EXOC6B: variants seen among roughly 807,000 people sequenced by gnomAD.
EXOC6B encodes the protein SEC15 homolog B.
EXOC6B carries 54 observed loss-of-function variants against 113.5 expected under a neutral mutation model. The observed-to-expected ratio is 0.48, with a 90% CI of 0.38 to 0.60. The LOEUF (loss-of-function observed/expected upper bound fraction) is 0.60, where lower values mean the gene tolerates loss of function less well. Ranked by LOEUF, EXOC6B falls within the 20% of genes least tolerant of loss-of-function variation. The pLI, the probability that EXOC6B is intolerant of heterozygous loss-of-function variation, is 0.00. For missense variants in EXOC6B, 797 were observed against 977.5 expected (o/e 0.82, Z 2.46); for synonymous variants, 357 against 339.0 (o/e 1.05, Z -0.58).
chr2:72,399,349 T>A (rs1294154922), intron 18 of EXOC6B, among the ~76,000 whole-genome samples: 1 of 151,998 alleles, frequency 6.6e-6, no homozygotes, highest in African/African-American at 2.4e-5. Context: ...ACTGACACAA[T>A]ATAAGGATGC....
chr2:72,810,700 G>C (rs556699455), intron 1 of EXOC6B, among the ~76,000 whole-genome samples: 1 of 152,032 alleles, frequency 6.6e-6, no homozygotes, highest in Non-Finnish European at 1.5e-5. Context: ...CAAATATGTA[G>C]CAAATCAAAA....
intron 1 of EXOC6B, among the ~76,000 whole-genome samples, chr2:72,812,112 T>A (rs1362960379): frequency 6.6e-6 from 1 of 152,160 alleles, no homozygotes; most frequent in East Asian, 1.9e-4. Flanking sequence ...CAGATAACAC[T>A]ATTGTTTACA....
At chr2:72,312,777 C>T (rs1247829262) in intron 20 of EXOC6B, among the ~76,000 whole-genome samples, 2 of 126,518 alleles carry the variant, frequency 1.6e-5, no homozygotes, top group Admixed American at 1.6e-4. Flanking sequence ...ACAACAACAA[C>T]AACAACAAAC....
chr2:72,558,701 G>A (rs574083168), intron 8 of EXOC6B, among the ~76,000 whole-genome samples: 5 of 152,076 alleles, frequency 3.3e-5, no homozygotes, highest in East Asian at 1.9e-4. Flanking sequence ...CCCGGGAGGC[G>A]GAGGTTGTGG....
At chr2:72,497,495 C>T (rs558972838) in intron 13 of EXOC6B, among the ~76,000 whole-genome samples, 17 of 152,080 alleles carry the variant, frequency 1.1e-4, no homozygotes, top group Admixed American at 3.3e-4. Flanking sequence ...TCACTGAAGG[C>T]GTCAGATCAG....
At chr2:72,181,850 A>G (rs1030718467) in intron 21 of EXOC6B, among the ~76,000 whole-genome samples, 4 of 152,176 alleles carry the variant, frequency 2.6e-5, no homozygotes, top group African/African-American at 9.6e-5. Context: ...CAAAAACAAA[A>G]GTCAGCCCTC....
chr2:72,305,019 AG>A (rs1446244951), intron 20 of EXOC6B, among the ~76,000 whole-genome samples: 3 of 152,196 alleles, frequency 2.0e-5, no homozygotes, highest in African/African-American at 7.2e-5. Context: ...AGTTCCTGAG[AG>A]GTACACTAAA....
rs532313669 is a variant in EXOC6B, at chr2:72,640,185, T to C, written c.670-64517A>G. On this transcript the variant is annotated intron_variant, in intron 6 of 21. Coordinates refer to ENST00000272427, the MANE Select transcript of EXOC6B (RefSeq NM_015189.3). The stretch of plus-strand genomic sequence containing the variant: ...ATAGAAAAGATGGTAACTGAACTCA[T>C]AGAGCTGAAAAACACACTATAAGAA... Among the ~76,000 whole-genome samples, 77 of 152,242 alleles carry C rather than the reference T, an allele frequency of 5.1e-4. 2 individuals are homozygous for C. In the South Asian group the frequency reaches 9.1e-3, roughly 18 times the overall value.
At chr2:72,400,022 A>G (rs2105153192) in intron 18 of EXOC6B, among the ~76,000 whole-genome samples, 1 of 152,250 alleles carries the variant, frequency 6.6e-6, no homozygotes, top group East Asian at 1.9e-4. Flanking sequence ...ACATTATCTC[A>G]CTTCAAATTA....
intron 6 of EXOC6B, among the ~76,000 whole-genome samples, chr2:72,606,449 G>GA (rs528620535): frequency 6.6e-6 from 1 of 151,814 alleles, no homozygotes; most frequent in Non-Finnish European, 1.5e-5. Flanking sequence ...ATCTCTACTT[G>GA]AAAAAAATCC....
chr2:72,697,105 CAGATATAGATATAGATAT>C (rs70963140), intron 6 of EXOC6B, among the ~76,000 whole-genome samples: 7 of 142,674 alleles, frequency 4.9e-5, no homozygotes, highest in African/African-American at 7.9e-5. Flanking sequence ...TTTTTATATA[CAGATATAGATATAGATAT>C]AGATATAGAT....
At chr2:72,488,112 C>G (rs373870343) in intron 16 of EXOC6B, among the ~76,000 whole-genome samples, 1 of 152,190 alleles carries the variant, frequency 6.6e-6, no homozygotes, top group South Asian at 2.1e-4. Context: ...TTCCAAATTG[C>G]TAAATCCAAT....
chr2:72,476,609 T>A (rs553352975), intron 17 of EXOC6B, among the ~76,000 whole-genome samples: 123 of 152,164 alleles, frequency 8.1e-4, no homozygotes, highest in Non-Finnish European at 1.3e-3. Context: ...ATTTCTTCCT[T>A]CTTTCCTCTC....
At chr2:72,497,613 T>TA (rs1175616370) in intron 13 of EXOC6B, among the ~76,000 whole-genome samples, 1 of 152,090 alleles carries the variant, frequency 6.6e-6, no homozygotes, top group African/African-American at 2.4e-5. Context: ...GTTTTAGAAA[T>TA]ATAAATATTT....
chr2:72,601,167 T>C (rs112858944), intron 6 of EXOC6B, among the ~76,000 whole-genome samples: 127,071 of 145,044 alleles, frequency 0.88, 55,729 homozygotes, highest in East Asian at 0.99. Context: ...TGTGTGTGTG[T>C]GTGTGTGTGT....
At chr2:72,691,681 A>AT (rs1164324005) in intron 6 of EXOC6B, among the ~76,000 whole-genome samples, 9,527 of 137,760 alleles carry the variant, frequency 0.069, 724 homozygotes, top group African/African-American at 0.19. Context: ...TTGTATATCT[A>AT]TTTTTTTTTT....
chr2:72,277,674 A>G (rs1211329804), intron 20 of EXOC6B, among the ~76,000 whole-genome samples: 1 of 151,762 alleles, frequency 6.6e-6, no homozygotes, highest in Non-Finnish European at 1.5e-5. Context: ...TCGTATTTTC[A>G]GTAGTAGTGA....
At chr2:72,220,388 C>G (rs1573022812) in intron 20 of EXOC6B, among the ~76,000 whole-genome samples, 1 of 152,246 alleles carries the variant, frequency 6.6e-6, no homozygotes, top group East Asian at 1.9e-4. Flanking sequence ...GGAAGGAGGG[C>G]TGCCTCCTCA....
At chr2:72,725,115 T>G (rs896435518) in intron 5 of EXOC6B, among the ~76,000 whole-genome samples, 2 of 152,062 alleles carry the variant, frequency 1.3e-5, no homozygotes, top group Non-Finnish European at 2.9e-5. Flanking sequence ...TGTGCACATA[T>G]TTACACCAAA....
Sources: allele counts gnomAD v4.1 joint callset (sites outside exome capture counted in the v4.1 genomes callset), GRCh38; gene constraint gnomAD v4.1.1; transcripts MANE v1.5; gene names NCBI Gene and HGNC (gene_info 2026-07-23, HGNC 2026-07-21).